Variants in PCDH7 observed in about 807,000 individuals in gnomAD.
PCDH7 encodes protocadherin 7, also known as protocadherin-7.
In PCDH7, 17 loss-of-function variants were observed where a neutral mutation model predicts 58.9. That is an observed-to-expected ratio of 0.29 (90% CI 0.20 to 0.43). The LOEUF is 0.43. Among genes scored for constraint, PCDH7 ranks in the 20% least tolerant of loss-of-function variants. The pLI is 1.00. For missense variants in PCDH7, 1,274 were observed against 1,441.0 expected, an observed-to-expected ratio of 0.88 and a Z score of 1.88; for synonymous variants, 664 against 616.4, an observed-to-expected ratio of 1.08 and a Z score of -1.14.
chr4:30,739,870 C>T (rs11941127), intron 1 of PCDH7, among the ~76,000 whole-genome samples: 45,282 of 151,994 alleles, frequency 0.3, 7,088 homozygotes, highest in African/African-American at 0.32. Context: ...TTTCTTCCTT[C>T]GTGGAGTTTC....
rs573672918 is a variant in PCDH7 at position 30,757,274 on chromosome 4, A to G, written c.70+32678A>G. 1.4e-4 allele frequency among the ~76,000 whole-genome samples: 21 copies of G among 152,284 alleles called. No homozygotes were observed. In the East Asian group the frequency reaches 3.7e-3, roughly 27 times the overall value. The stretch of plus-strand genomic sequence containing the variant: ...TTCATCCTCAAATGTTCTACCTTTC[A>G]TGATGCCCTAAGAGTTATTCCAAAA... On this transcript the variant is annotated intron_variant, in intron 1 of 3. Coordinates refer to the PCDH7 transcript ENST00000509759.
At chr4:31,084,095 A>AG (rs1321139913) in intron 3 of PCDH7, among the ~76,000 whole-genome samples, 3 of 152,186 alleles carry the variant, frequency 2.0e-5, no homozygotes, top group African/African-American at 7.2e-5. Flanking sequence ...TTTGATGTAT[A>AG]GTTTTGATGC....
intron 3 of PCDH7, among the ~76,000 whole-genome samples, chr4:31,023,558 G>A (rs1445491197): frequency 6.6e-6 from 1 of 152,062 alleles, no homozygotes; most frequent in Non-Finnish European, 1.5e-5. Context: ...CTATTGTTAG[G>A]AGTAAGCAAA....
At chr4:30,957,706 T>G (rs1241707374) in intron 3 of PCDH7, among the ~76,000 whole-genome samples, 1 of 152,176 alleles carries the variant, frequency 6.6e-6, no homozygotes, top group Non-Finnish European at 1.5e-5. Flanking sequence ...GGACACTGCA[T>G]ATCGAATGTC....
At chr4:31,067,638 A>G (rs1758199431) in intron 3 of PCDH7, among the ~76,000 whole-genome samples, 1 of 151,960 alleles carries the variant, frequency 6.6e-6, no homozygotes, top group Non-Finnish European at 1.5e-5. Context: ...AAGAATATAA[A>G]TATATGAAAT....
At chr4:30,920,533 A>G (rs772572880) in intron 2 of PCDH7, among the ~76,000 whole-genome samples, 164 bp downstream of exon 2, 5 of 152,224 alleles carry the variant, frequency 3.3e-5, no homozygotes, top group African/African-American at 4.8e-5. Context: ...ATAAAGGAAC[A>G]TAACTCTGTA....
chr4:30,943,962 A>G (rs900756682), intron 2 of PCDH7, among the ~76,000 whole-genome samples: 5 of 152,164 alleles, frequency 3.3e-5, no homozygotes, highest in East Asian at 3.9e-4. Flanking sequence ...AAATTTATGT[A>G]TCACTCTTCT....
Position 30,721,952 on chromosome 4 carries a change from T to C in PCDH7, c.530T>C (p.Ile177Thr). The C allele has an allele frequency of 6.5e-7, 1 of 1,549,728 alleles. No homozygotes were observed. The highest frequency in any genetic ancestry group is 8.7e-7 in the Non-Finnish European group (1 of 1,154,308). ...GACCGCGACTTCGGCCGCAACGGCA[T>C]CGAGCGCTACGAGCTGCTCCAGGAG... Residue 177 changes from isoleucine (I) to threonine (T), a missense_variant, in exon 1 of 2, where the codon ATC becomes ACC. Ile to Thr is a moderately conservative substitution (Grantham distance 89, BLOSUM62 -1). Coordinates refer to ENST00000361762, the Ensembl canonical transcript of PCDH7. This position sits in a 1 kb window ranked among gnomAD's most constrained non-coding sequence, Gnocchi z 6.7.
At chr4:30,815,582 C>T (rs1204123286) in intron 1 of PCDH7, among the ~76,000 whole-genome samples, 3 of 152,172 alleles carry the variant, frequency 2.0e-5, no homozygotes, top group African/African-American at 2.4e-5. Context: ...GGGGAGAGGA[C>T]GCATGCGCGG....
rs1035031775 is a variant in PCDH7 at position 30,722,123 on chromosome 4, G to C, written c.701G>C (p.Gly234Ala). 1.4e-6 allele frequency: 2 copies of C among 1,434,388 alleles called. No individual in the cohort carries two copies. Among genetic ancestry groups the C allele is most frequent in the Admixed American group, 5.4e-5 (2 of 36,880 alleles). 88.9% of individuals were successfully genotyped at this position (1,434,388 alleles called of 1,614,324 possible). Residue 234 changes from glycine to alanine, a missense_variant, in exon 1 of 2, where the codon GGC becomes GCC. Coordinates refer to ENST00000361762, the Ensembl canonical transcript of PCDH7. The surrounding 1 kb of genome is among the most constrained non-coding windows in gnomAD (Gnocchi z 7.6). Reference sequence around the variant, plus strand: ...CTGGACGCATCAGAGGGCGGCGGCGGCACCAACCCCGGCGGCCGCAGCAGC... The same window carrying C: ...CTGGACGCATCAGAGGGCGGCGGCGCCACCAACCCCGGCGGCCGCAGCAGC...
intron 2 of PCDH7, among the ~76,000 whole-genome samples, chr4:30,926,444 A>G (rs1258190667): frequency 6.6e-6 from 1 of 152,156 alleles, no homozygotes. Context: ...TCAGCCTCCC[A>G]AAGTGCTGGG....
Position 30,938,517 on chromosome 4 carries a change from C to T in PCDH7, c.288-11603C>T, listed in dbSNP as rs1578355352. Among the ~76,000 whole-genome samples, 9 of 152,050 alleles carry T rather than the reference C, an allele frequency of 5.9e-5. No individual in the cohort carries two copies. The South Asian group carries it at 1.9e-3, about 31-fold the overall frequency. On this transcript the variant is annotated intron_variant, in intron 2 of 3. Transcript: ENST00000509759. ...ACACACACACACACGCACACACTCA[C>T]ACACACCAGCCTTGATAGGCTAGGC...
chr4:30,934,535 T>C (rs1000449348), intron 2 of PCDH7, among the ~76,000 whole-genome samples: 2 of 152,150 alleles, frequency 1.3e-5, no homozygotes, highest in African/African-American at 4.8e-5. Flanking sequence ...CTCTCGGGCT[T>C]CATATTTTCT....
chr4:30,963,563 T>G (rs189827290), intron 3 of PCDH7, among the ~76,000 whole-genome samples: 1 of 147,884 alleles, frequency 6.8e-6, no homozygotes, highest in Admixed American at 6.8e-5. Context: ...TTATAGAACT[T>G]AACCTGCTAG....
chr4:31,073,681 A>G (rs549967550), intron 3 of PCDH7, among the ~76,000 whole-genome samples: 2 of 152,312 alleles, frequency 1.3e-5, no homozygotes, highest in South Asian at 2.1e-4. Context: ...AAGACTGAAT[A>G]CTAATCAATG....
At chr4:31,123,780 T>G (rs1296916601) in intron 3 of PCDH7, among the ~76,000 whole-genome samples, 2 of 151,968 alleles carry the variant, frequency 1.3e-5, no homozygotes, top group Non-Finnish European at 2.9e-5. Context: ...TGCAGAGGAT[T>G]TTATGGAGCA....
At chr4:30,845,238 T>G (rs1371218918) in intron 1 of PCDH7, among the ~76,000 whole-genome samples, 1 of 152,156 alleles carries the variant, frequency 6.6e-6, no homozygotes, top group Non-Finnish European at 1.5e-5. Flanking sequence ...AAAAGGACAT[T>G]GGTATTTTTA....
At chr4:31,016,539 G>A (rs915934190) in intron 3 of PCDH7, among the ~76,000 whole-genome samples, 1 of 152,098 alleles carries the variant, frequency 6.6e-6, no homozygotes, top group Non-Finnish European at 1.5e-5. Flanking sequence ...GCTACAGTGG[G>A]ATTGGTGCTC....
chr4:30,881,551 T>C (rs574154921), intron 1 of PCDH7, among the ~76,000 whole-genome samples: 3 of 152,178 alleles, frequency 2.0e-5, no homozygotes, highest in Non-Finnish European at 4.4e-5. Flanking sequence ...TGCTGAGTTC[T>C]AGTTGTCTTT....
Sources: allele counts gnomAD v4.1 joint callset (sites outside exome capture counted in the v4.1 genomes callset), GRCh38; gene constraint gnomAD v4.1.1; non-coding constraint Gnocchi (gnomAD v3.1); transcripts MANE v1.5; gene names NCBI Gene and HGNC (gene_info 2026-07-23, HGNC 2026-07-21).